HIP1: variants seen among roughly 807,000 people sequenced by gnomAD.
HIP1 encodes the protein huntingtin interacting protein 1, also known as huntingtin-interacting protein 1.
In HIP1, 65 loss-of-function variants were observed where a neutral mutation model predicts 147.6. The ratio of observed to expected loss-of-function variants is 0.44; its 90% CI spans 0.36 to 0.54. The LOEUF (loss-of-function observed/expected upper bound fraction) is 0.54, where lower values mean the gene tolerates loss of function less well. HIP1 is among the 20% of genes least tolerant of loss of function. The probability of loss-of-function intolerance (pLI) is 0.00; values close to 1 mark genes in which losing one functional copy is unlikely to be tolerated. For synonymous variants in HIP1, 479 were observed against 504.0 expected (o/e 0.95, Z 0.67); for missense variants, 1,061 against 1,299.6 (o/e 0.82, Z 2.82).
intron 9 of HIP1, among the ~76,000 whole-genome samples, chr7:75,563,730 C>G (rs1405778385): frequency 1.3e-5 from 2 of 152,188 alleles, no homozygotes; most frequent in African/African-American, 2.4e-5. Flanking sequence ...ACAATTAAGA[C>G]TATAAGTTCC....
chr7:75,663,496 G>A (rs575284687), intron 1 of HIP1, among the ~76,000 whole-genome samples: 26 of 151,796 alleles, frequency 1.7e-4, no homozygotes, highest in South Asian at 1.5e-3. Flanking sequence ...CAGGCGAGGC[G>A]GACTGATGTA....
intron 2 of HIP1, among the ~76,000 whole-genome samples, chr7:75,597,598 G>C (rs1202837637): frequency 6.6e-6 from 1 of 152,056 alleles, no homozygotes; most frequent in African/African-American, 2.4e-5. Flanking sequence ...AAATTAGCTA[G>C]GGGTAGTGAT....
intron 1 of HIP1, among the ~76,000 whole-genome samples, chr7:75,670,392 T>A (rs1799697523): frequency 1.4e-5 from 1 of 73,024 alleles, no homozygotes; most frequent in Non-Finnish European, 2.7e-5. Context: ...CCTGAGCTCA[T>A]GCTATATCTG....
rs565621702 is a variant in HIP1, at chr7:75,738,194, C to A, written c.120+607G>T. Among the ~76,000 whole-genome samples the A allele has an allele frequency of 9.1e-4, 138 of 152,260 alleles. 1 individual carries two copies. The highest frequency in any genetic ancestry group is 3.3e-3 in the African/African-American group (137 of 41,556). On this transcript the variant is annotated intron_variant, in intron 1 of 30. Transcript: ENST00000336926. ...CCAAAGTAATTTTCCCACAAAGTGG[C>A]CACACTTTGCATTTCCTACATTCCT...
chr7:75,591,222 C>T lies in HIP1; in HGVS notation c.384+834G>A, dbSNP rs587719460. On this transcript the variant is annotated intron_variant, in intron 4 of 30. Coordinates refer to ENST00000336926, the MANE Select transcript of HIP1 (RefSeq NM_005338.7). Reference sequence around the variant, plus strand: ...TAATTTTTGTATTTTTAATAGAGCCCGGGTTTCACCATGTTGGCCAGGTTA... The same window carrying T: ...TAATTTTTGTATTTTTAATAGAGCCTGGGTTTCACCATGTTGGCCAGGTTA... 1.4e-4 allele frequency among the ~76,000 whole-genome samples: 21 copies of T among 152,020 alleles called. No homozygotes were observed. In the South Asian group the frequency reaches 2.9e-3, roughly 21 times the overall value.
At chr7:75,606,126 G>A (rs1425801798) in intron 1 of HIP1, among the ~76,000 whole-genome samples, 3 of 152,092 alleles carry the variant, frequency 2.0e-5, no homozygotes, top group Admixed American at 6.6e-5. Context: ...TGGGCTTATA[G>A]GTGTGAGACA....
intron 25 of HIP1, 114 bp downstream of exon 25, chr7:75,546,825 G>A: frequency 2.7e-6 from 2 of 742,472 alleles, no homozygotes; most frequent in East Asian, 2.7e-5. Context: ...AGGAGTGGCT[G>A]CTCTGTACTC....
chr7:75,548,133 A>G (rs1794642420), intron 23 of HIP1, among the ~76,000 whole-genome samples: 2 of 151,904 alleles, frequency 1.3e-5, no homozygotes, highest in African/African-American at 2.4e-5. Context: ...GGTTCAAGTG[A>G]TTCTTCTGCC....
chr7:75,583,458 G>A (rs1347555236), intron 5 of HIP1, among the ~76,000 whole-genome samples: 2 of 152,164 alleles, frequency 1.3e-5, no homozygotes, highest in Admixed American at 6.6e-5. Flanking sequence ...CCCATAGAGA[G>A]TGTCTTTCAG....
intron 1 of HIP1, among the ~76,000 whole-genome samples, chr7:75,730,465 A>G (rs112342927): frequency 0.051 from 7,731 of 150,264 alleles, 215 homozygotes; most frequent in Middle Eastern, 0.069. Flanking sequence ...TCAGCCTCCC[A>G]AGTAGCTGGG....
At chr7:75,625,710 T>G (rs1406921923) in intron 1 of HIP1, 4 of 152,186 alleles carry the variant, frequency 2.6e-5, no homozygotes, top group Non-Finnish European at 5.9e-5. Context: ...TCCATTGTGA[T>G]GGTATGAAGA....
chr7:75,568,840 C>T lies in HIP1; in HGVS notation c.746-584G>A, dbSNP rs1001080337. On this transcript the variant is annotated intron_variant, in intron 8 of 30. Transcript: ENST00000336926. The surrounding 1 kb of genome is among the most constrained non-coding windows in gnomAD (Gnocchi z 4.1). ...CCTGACCAATATGGTGAAACCATGT[C>T]TCTACTAAAAATACAGAAATTAGCC... Among the ~76,000 whole-genome samples, 6 of 152,116 alleles carry T rather than the reference C, an allele frequency of 3.9e-5. No homozygotes were observed. Among genetic ancestry groups the T allele is most frequent in the Non-Finnish European group, 8.8e-5 (6 of 68,010 alleles).
intron 9 of HIP1, among the ~76,000 whole-genome samples, chr7:75,564,989 G>T (rs111647436): frequency 6.6e-6 from 1 of 152,134 alleles, no homozygotes; most frequent in African/African-American, 2.4e-5. Context: ...TCAACCTCCT[G>T]GGCTCAAGCG....
At chr7:75,680,788 T>C (rs1800039128) in intron 1 of HIP1, among the ~76,000 whole-genome samples, 1 of 151,908 alleles carries the variant, frequency 6.6e-6, no homozygotes, top group Non-Finnish European at 1.5e-5. Context: ...TTTTTGTTTG[T>C]TTTTTGAGAT....
chr7:75,700,830 T>C (rs2117324957), intron 1 of HIP1, among the ~76,000 whole-genome samples: 1 of 152,024 alleles, frequency 6.6e-6, no homozygotes, highest in South Asian at 2.1e-4. Context: ...CTCAGCCTCT[T>C]GAGTAGCTGG....
intron 13 of HIP1, among the ~76,000 whole-genome samples, 199 bp downstream of exon 13, chr7:75,561,130 T>G (rs1166998259): frequency 6.6e-6 from 1 of 151,924 alleles, no homozygotes; most frequent in South Asian, 2.1e-4. Flanking sequence ...TTATTGCATT[T>G]TTATTGAAGA....
chr7:75,606,170 A>ATTCC (rs1584870580), intron 1 of HIP1, among the ~76,000 whole-genome samples: 2 of 152,136 alleles, frequency 1.3e-5, no homozygotes, highest in South Asian at 2.1e-4. Context: ...AATAGCATAA[A>ATTCC]AGTACAGGAA....
chr7:75,729,048 A>C (rs1801744112), intron 1 of HIP1, among the ~76,000 whole-genome samples: 1 of 151,612 alleles, frequency 6.6e-6, no homozygotes, highest in South Asian at 2.1e-4. Flanking sequence ...CCATGTAACA[A>C]GCCTGCGCAT....
At position 75,559,788 on chromosome 7, in the gene HIP1, A is replaced by G; in HGVS notation, c.1319T>C (p.Leu440Pro). 1 of 1,584,586 alleles carries G rather than the reference A, an allele frequency of 6.3e-7. No homozygotes were observed. Among genetic ancestry groups the G allele is most frequent in the Non-Finnish European group, 8.6e-7 (1 of 1,166,522 alleles). ...CTCGGTGTCCTCCCGCTGCCTCCTGAGCTCGTCCAGTTCTGCCCGCAGGAA... is the reference window on the plus strand; with the variant it reads ...CTCGGTGTCCTCCCGCTGCCTCCTGGGCTCGTCCAGTTCTGCCCGCAGGAA... ...CEFLRAELDE[L>P]RRQREDTEKA... The change falls in exon 14 of 31, where the codon CTC becomes CCC. Residue 440 changes from leucine (L) to proline (P), a missense_variant. This residue lies in a region of HIP1 where 810 missense variants were observed against 946.8 expected (regional missense o/e 0.86). Coordinates refer to ENST00000336926, the MANE Select transcript of HIP1 (RefSeq NM_005338.7).
Sources: gnomAD v4.1 joint callset for allele counts (sites outside exome capture counted in the v4.1 genomes callset) on GRCh38, gnomAD v4.1.1 for gene constraint, gnomAD v4.1.1 regional missense constraint, Gnocchi (gnomAD v3.1) non-coding constraint, MANE v1.5 for transcripts, NCBI Gene and HGNC (gene_info 2026-07-23, HGNC 2026-07-21) for gene names.